Variants in HSD17B3 observed in about 807,000 individuals in gnomAD.
HSD17B3 encodes hydroxysteroid 17-beta dehydrogenase 3.
A neutral mutation model predicts 41.1 loss-of-function variants in HSD17B3; 29 were observed. That is an observed-to-expected ratio of 0.71 (90% CI 0.53 to 0.96). The LOEUF (loss-of-function observed/expected upper bound fraction) is 0.96. Ranked by LOEUF, HSD17B3 falls within the 40% of genes least tolerant of loss-of-function variation. The probability of loss-of-function intolerance (pLI) is 0.00; values close to 1 mark genes in which losing one functional copy is unlikely to be tolerated. For synonymous variants in HSD17B3, 126 were observed against 145.6 expected (o/e 0.87, Z 0.97); for missense variants, 323 against 374.6 (o/e 0.86, Z 1.14).
intron 2 of HSD17B3, among the ~76,000 whole-genome samples, chr9:96,272,435 A>C (rs1357640449): frequency 6.5e-5 from 6 of 92,760 alleles, no homozygotes; most frequent in Non-Finnish European, 1.1e-4. Flanking sequence ...ATATATATAT[A>C]TATATATATA....
intron 2 of HSD17B3, among the ~76,000 whole-genome samples, chr9:96,264,093 C>A (rs1270641234): frequency 6.6e-6 from 1 of 151,794 alleles, no homozygotes; most frequent in Non-Finnish European, 1.5e-5. Flanking sequence ...TCATTTTGTA[C>A]CCAATAATAT....
intron 1 of HSD17B3, among the ~76,000 whole-genome samples, chr9:96,301,536 C>T (rs147359361): frequency 2.4e-3 from 369 of 151,042 alleles, no homozygotes; most frequent in African/African-American, 8.5e-3. Context: ...CATGGGGGAA[C>T]CCTGTCTCTA....
intron 2 of HSD17B3, among the ~76,000 whole-genome samples, chr9:96,267,761 A>G (rs8190529): frequency 0.023 from 3,568 of 152,202 alleles, 197 homozygotes; most frequent in Admixed American, 0.13. Context: ...TCTGCATAAT[A>G]GGAGTTCCAG....
chr9:96,252,890 C>T lies in HSD17B3; in HGVS notation c.298G>A (p.Val100Met). The T allele has an allele frequency of 3.1e-6, 5 of 1,610,176 alleles. No individual in the cohort carries two copies. Among genetic ancestry groups the T allele is most frequent in the South Asian group, 1.1e-5 (1 of 90,944 alleles). The change falls in exon 4 of 11, where the codon GTG (valine) becomes ATG (methionine). Residue 100 changes from valine to methionine, a missense_variant. Coordinates refer to ENST00000375263, the MANE Select transcript of HSD17B3 (RefSeq NM_000197.2). ...GTAAAATCTGCTTGTATAATCTTCA[C>T]ACTCCTCCCTGTAGTCCGCTCTACA... ...TEIERTTGRSVKIIQADFTKD... is the reference protein window; with the variant it reads ...TEIERTTGRSMKIIQADFTKD...
At chr9:96,277,293 A>G (rs1826502931) in intron 2 of HSD17B3, among the ~76,000 whole-genome samples, 1 of 152,240 alleles carries the variant, frequency 6.6e-6, no homozygotes, top group Admixed American at 6.5e-5. Flanking sequence ...ACAAAATGGA[A>G]TAAAGTATTT....
Position 96,243,088 on chromosome 9 carries a change from C to T in HSD17B3, c.672+1241G>A, listed in dbSNP as rs565338824. Among the ~76,000 whole-genome samples, 14 of 152,352 alleles carry T rather than the reference C, an allele frequency of 9.2e-5. No homozygotes were observed. In the South Asian group the frequency reaches 2.7e-3, roughly 29 times the overall value. ...CCGTCAGCCTGGGGCCCTGTGTCAG[C>T]ACAGTGAGCCAATGTCTTCTGTGAA... On this transcript the variant is annotated intron_variant, in intron 9 of 10. Transcript: ENST00000375263.
At chr9:96,237,990 C>A (rs1836294556) in intron 10 of HSD17B3, among the ~76,000 whole-genome samples, 1 of 151,984 alleles carries the variant, frequency 6.6e-6, no homozygotes, top group Non-Finnish European at 1.5e-5. Flanking sequence ...AAAACATTAG[C>A]TGGATGTAGT....
intron 10 of HSD17B3, among the ~76,000 whole-genome samples, chr9:96,236,705 AAG>A (rs995979352): frequency 6.6e-6 from 1 of 151,976 alleles, no homozygotes; most frequent in Non-Finnish European, 1.5e-5. Flanking sequence ...TTGCTTTTCA[AAG>A]AGGGGGAAGC....
intron 2 of HSD17B3, among the ~76,000 whole-genome samples, chr9:96,255,184 T>G (rs796849195): frequency 6.6e-6 from 1 of 152,238 alleles, no homozygotes; most frequent in African/African-American, 2.4e-5. Flanking sequence ...GTGTTTATTG[T>G]GTGCGGGGAA....
intron 2 of HSD17B3, among the ~76,000 whole-genome samples, chr9:96,268,032 C>T (rs569102538): frequency 2.0e-5 from 3 of 152,338 alleles, no homozygotes; most frequent in South Asian, 4.1e-4. Context: ...TCAAGCGATT[C>T]TCCTGCCTCA....
chr9:96,281,411 T>G (rs1449992352), intron 2 of HSD17B3, among the ~76,000 whole-genome samples: 1 of 152,072 alleles, frequency 6.6e-6, no homozygotes, highest in African/African-American at 2.4e-5. Context: ...TTAGGGGAGT[T>G]AGAGCCTCTC....
intron 3 of HSD17B3, 48 bp from the exon 4 acceptor site, chr9:96,252,958 C>T: frequency 1.7e-6 from 2 of 1,185,208 alleles, no homozygotes; most frequent in Non-Finnish European, 2.5e-6. Context: ...TCCAAATGCC[C>T]CCTCGCCCAT....
intron 9 of HSD17B3, among the ~76,000 whole-genome samples, chr9:96,242,998 A>C (rs1172495057): frequency 6.6e-6 from 1 of 152,112 alleles, no homozygotes; most frequent in Non-Finnish European, 1.5e-5. Context: ...GGGCCAGAGC[A>C]TTTCATTGTC....
intron 10 of HSD17B3, chr9:96,239,894 G>A (rs1202310491): frequency 1.3e-5 from 2 of 152,172 alleles, no homozygotes; most frequent in African/African-American, 4.8e-5. Flanking sequence ...CCATATGCTG[G>A]ATCTGTGGCA....
At chr9:96,262,730 A>C (rs1825908085) in intron 2 of HSD17B3, among the ~76,000 whole-genome samples, 1 of 152,172 alleles carries the variant, frequency 6.6e-6, no homozygotes, top group African/African-American at 2.4e-5. Flanking sequence ...TTACTTTTTC[A>C]CCAAGCTAAT....
At chr9:96,241,995 A>AAGAAAG (rs1473812398) in intron 9 of HSD17B3, among the ~76,000 whole-genome samples, 2 of 148,622 alleles carry the variant, frequency 1.3e-5, no homozygotes, top group Non-Finnish European at 3.0e-5. Context: ...GAAAGAAAGA[A>AAGAAAG]AGAAAGAAAG....
At chr9:96,256,543 C>T (rs1455147944) in intron 2 of HSD17B3, among the ~76,000 whole-genome samples, 1 of 152,120 alleles carries the variant, frequency 6.6e-6, no homozygotes, top group Non-Finnish European at 1.5e-5. Flanking sequence ...TGATGGCACA[C>T]GCCTGTGATC....
chr9:96,239,166 C>T (rs1192937571), intron 10 of HSD17B3, among the ~76,000 whole-genome samples: 1 of 152,168 alleles, frequency 6.6e-6, no homozygotes, highest in Non-Finnish European at 1.5e-5. Flanking sequence ...TAAACTTCAG[C>T]AAGGTGAACA....
chr9:96,296,065 A>G (rs1294219881), intron 2 of HSD17B3, among the ~76,000 whole-genome samples: 1 of 152,078 alleles, frequency 6.6e-6, no homozygotes, highest in African/African-American at 2.4e-5. Context: ...CCTGGGCAAC[A>G]TGGTGAAACC....
Sources: allele counts gnomAD v4.1 joint callset (sites outside exome capture counted in the v4.1 genomes callset), GRCh38; gene constraint gnomAD v4.1.1; transcripts MANE v1.5; gene names NCBI Gene and HGNC (gene_info 2026-07-23, HGNC 2026-07-21).